Variants in SLC22A8 observed in about 807,000 individuals in gnomAD.
SLC22A8 encodes the protein organic anion transporter 3.
Under a neutral mutation model 48.4 loss-of-function variants are expected in SLC22A8, and 40 were observed. The ratio of observed to expected loss-of-function variants is 0.83; its 90% CI spans 0.64 to 1.08. SLC22A8 has a LOEUF of 1.08. SLC22A8 is among the 50% of genes least tolerant of loss of function. The pLI is 0.00. For missense variants in SLC22A8, 606 were observed against 699.0 expected, an observed-to-expected ratio of 0.87 and a Z score of 1.50; for synonymous variants, 268 against 286.3, an observed-to-expected ratio of 0.94 and a Z score of 0.65.
chr11:62,995,541 T>C (rs1417257304), intron 7 of SLC22A8, 163 bp downstream of exon 7: 1 of 610,612 alleles, frequency 1.6e-6, no homozygotes, highest in East Asian at 2.8e-5. Flanking sequence ...GGGGCAGGAA[T>C]GCAGCAGATT....
chr11:62,998,083 C>G (rs1406931755), intron 5 of SLC22A8, among the ~76,000 whole-genome samples: 1 of 152,140 alleles, frequency 6.6e-6, no homozygotes, highest in Non-Finnish European at 1.5e-5. Flanking sequence ...TCCTGAGTAG[C>G]TGGGATTACA....
rs542473061 is a variant in SLC22A8, at chr11:62,992,924, G to A, written c.*313C>T. The A allele has an allele frequency of 4.9e-6, 2 of 411,734 alleles. No homozygotes were observed. Among genetic ancestry groups the A allele is most frequent in the South Asian group, 1.3e-4 (2 of 15,502 alleles). The allele number at this position is 411,734 out of a possible 1,614,324, so 25.5% of individuals were successfully genotyped here. A position where few individuals can be genotyped will look rare whatever the true frequency, so the allele number is the denominator to read the frequency against. On this transcript the variant is annotated 3_prime_UTR_variant, in exon 11 of 11. Coordinates refer to ENST00000336232, the MANE Select transcript of SLC22A8 (RefSeq NM_004254.4). ...TCTTGTTAAGACTCAGTCTTGTTAG[G>A]ACTGAGCCAGGGGATATCAGGGGAC...
At chr11:62,997,510 C>T (rs994854583) in intron 5 of SLC22A8, among the ~76,000 whole-genome samples, 9 of 152,172 alleles carry the variant, frequency 5.9e-5, no homozygotes, top group African/African-American at 2.2e-4. Context: ...CCGTGAGCCA[C>T]TGCACCCAGC....
intron 5 of SLC22A8, among the ~76,000 whole-genome samples, chr11:62,998,100 C>T (rs944720816): frequency 3.9e-5 from 6 of 152,080 alleles, no homozygotes; most frequent in South Asian, 2.1e-4. Flanking sequence ...TACAGGCATG[C>T]GCCACCATGC....
intron 9 of SLC22A8, 59 bp from the exon 10 acceptor site, chr11:62,993,686 C>A: frequency 6.9e-6 from 11 of 1,598,532 alleles, no homozygotes; most frequent in Non-Finnish European, 9.4e-6. Flanking sequence ...AAGGATGGCT[C>A]CCCTGGGTAG....
Position 62,998,930 on chromosome 11 carries a change from A to G in SLC22A8, c.752T>C (p.Leu251Pro). The change falls in exon 5 of 11, where the codon CTA becomes CCA. Residue 251 changes from leucine (L) to proline (P), a missense_variant. By Grantham distance (98) the Leu-to-Pro change is moderately conservative (BLOSUM62 -3). Transcript: ENST00000336232. ...TVSIPFFVFF[L>P]SSWWTPESIR... is the part of the protein sequence containing the mutation. ...GGAGAGGGCCACATACCAGGATGAT[A>G]GGAAGAAGACGAAGAAGGGAATGGA... 1 of 1,607,682 alleles carries G rather than the reference A, an allele frequency of 6.2e-7. No individual in the cohort carries two copies.
intron 1 of SLC22A8, 102 bp from the exon 2 acceptor site, chr11:63,015,085 A>C (rs2086660055): frequency 1.7e-5 from 12 of 713,248 alleles, no homozygotes; most frequent in Non-Finnish European, 2.7e-5. Flanking sequence ...ATATGCGAGC[A>C]CAGGTGTGTG....
At chr11:63,006,217 T>C (rs1006778399) in intron 2 of SLC22A8, among the ~76,000 whole-genome samples, 7 of 152,188 alleles carry the variant, frequency 4.6e-5, no homozygotes, top group Admixed American at 6.5e-5. Flanking sequence ...GTCTGAGCCA[T>C]GCAAGTCCTT....
chr11:62,998,229 G>A (rs1466399117), intron 5 of SLC22A8, among the ~76,000 whole-genome samples: 3 of 151,782 alleles, frequency 2.0e-5, no homozygotes, highest in African/African-American at 7.3e-5. Flanking sequence ...TAGGATTACA[G>A]GTGTGAGCCA....
At chr11:62,999,598 C>A in intron 4 of SLC22A8, 90 bp downstream of exon 4, 1 of 1,123,206 alleles carries the variant, frequency 8.9e-7, no homozygotes, top group Middle Eastern at 2.1e-4. Flanking sequence ...TCACAGGGAG[C>A]CTGTGGTTGA....
At chr11:63,001,862 C>T (rs1328718955) in intron 2 of SLC22A8, among the ~76,000 whole-genome samples, 2 of 152,128 alleles carry the variant, frequency 1.3e-5, no homozygotes, top group Non-Finnish European at 2.9e-5. Context: ...CTTATCACCC[C>T]ACTTCTCATT....
In SLC22A8 at chr11:63,014,867, A is replaced by T; in HGVS notation, c.92T>A (p.Met31Lys). The T allele has an allele frequency of 6.2e-7, 1 of 1,610,982 alleles. No individual in the cohort carries two copies. The highest frequency in any genetic ancestry group is 8.5e-7 in the Non-Finnish European group (1 of 1,177,728). The change falls in exon 2 of 11, where the codon ATG (methionine) becomes AAG (lysine). Residue 31 changes from methionine to lysine, a missense_variant. Transcript: ENST00000336232. ...GATCTGCAGCAGGTTGTGGTTGGCC[A>T]TGTTGAGGATCGGGAGGCCCAGTAT... ...VAILGLPILN[M>K]ANHNLLQIFT...
intron 7 of SLC22A8, chr11:62,995,114 AT>A (rs1308865061): frequency 2.8e-6 from 1 of 357,644 alleles, no homozygotes; most frequent in East Asian, 6.4e-5. Flanking sequence ...CGAGGTGAGC[AT>A]TGAGCTGTAT....
At chr11:62,996,386 C>T (rs947913173) in intron 5 of SLC22A8, among the ~76,000 whole-genome samples, 17 of 152,372 alleles carry the variant, frequency 1.1e-4, no homozygotes, top group African/African-American at 3.6e-4. Context: ...CCTCTGCCCC[C>T]GACCTGGGCC....
At position 62,998,903 on chromosome 11, in the gene SLC22A8, G is replaced by T; in HGVS notation, c.761+18C>A. 6.3e-7 allele frequency: 1 copy of T among 1,589,834 alleles called. No individual in the cohort carries two copies. Among genetic ancestry groups the T allele is most frequent in the Non-Finnish European group, 8.6e-7 (1 of 1,161,802 alleles). On this transcript the variant is annotated intron_variant, in intron 5 of 10. Coordinates refer to ENST00000336232, the MANE Select transcript of SLC22A8 (RefSeq NM_004254.4). The stretch of plus-strand genomic sequence containing the variant: ...TGGGGCACCTAAGGAAACAGATGAA[G>T]AGGAGAGGGCCACATACCAGGATGA...
At chr11:63,000,376 C>T (rs567784141) in intron 3 of SLC22A8, among the ~76,000 whole-genome samples, 4 of 151,382 alleles carry the variant, frequency 2.6e-5, no homozygotes, top group African/African-American at 4.9e-5. Context: ...CCCAGCTACT[C>T]GGGTGGCTGA....
chr11:62,997,999 T>G (rs1303419582), intron 5 of SLC22A8, among the ~76,000 whole-genome samples: 9 of 152,178 alleles, frequency 5.9e-5, no homozygotes, highest in Non-Finnish European at 1.3e-4. Flanking sequence ...TTGCCCAGGC[T>G]GGAGTGCAGT....
In SLC22A8 at chr11:63,000,976, G is replaced by A. The variant is rs2135128206; in HGVS notation, c.334-153C>T. 5 of 623,482 alleles carry A rather than the reference G, an allele frequency of 8.0e-6. No homozygotes were observed. In the East Asian group the frequency reaches 1.1e-4, roughly 14 times the overall value. 38.6% of individuals were successfully genotyped at this position (623,482 alleles called of 1,614,324 possible). ...ACCGTTTCCTTTTTCAGCCCGGCTC[G>A]GAGCTCCTTGGGTTTGTCTGTGGCT... is the stretch of plus-strand genomic sequence containing the variant. On this transcript the variant is annotated intron_variant, in intron 2 of 10. Coordinates refer to ENST00000336232, the MANE Select transcript of SLC22A8 (RefSeq NM_004254.4).
In SLC22A8 at chr11:62,994,675, G is replaced by A. The variant is rs753107021; in HGVS notation, c.1083C>T (p.Ile361=). The change falls in exon 8 of 11, where the codon ATC becomes ATT. Residue 361 remains isoleucine, a synonymous_variant. Coordinates refer to ENST00000336232, the MANE Select transcript of SLC22A8 (RefSeq NM_004254.4). ...FGVNLYILQI[I]FGGVDVPAKF... ...TGGCTGGGACATCGACCCCACCAAAGATGATCTGGAGGATGTAGAGGTTGA... is the reference window on the plus strand; with the variant it reads ...TGGCTGGGACATCGACCCCACCAAAAATGATCTGGAGGATGTAGAGGTTGA... 1.1e-5 allele frequency: 18 copies of A among 1,614,134 alleles called. No homozygotes were observed. The highest frequency in any genetic ancestry group is 1.5e-5 in the Non-Finnish European group (18 of 1,180,050).
Sources: allele counts gnomAD v4.1 joint callset (sites outside exome capture counted in the v4.1 genomes callset), GRCh38; gene constraint gnomAD v4.1.1; transcripts MANE v1.5; gene names NCBI Gene and HGNC (gene_info 2026-07-23, HGNC 2026-07-21).